CGGBP1: variants seen among roughly 807,000 people sequenced by gnomAD.
CGGBP1 encodes the protein CGG triplet repeat binding protein 1.
A neutral mutation model predicts 11.4 loss-of-function variants in CGGBP1; 4 were observed. That is an observed-to-expected ratio of 0.35 (90% CI 0.17 to 0.80). The LOEUF is 0.80. Among genes scored for constraint, CGGBP1 ranks in the 30% least tolerant of loss-of-function variants. The pLI, the probability that CGGBP1 is intolerant of heterozygous loss-of-function variation, is 0.52. For synonymous variants in CGGBP1, 76 were observed against 74.1 expected, an observed-to-expected ratio of 1.03 and a Z score of -0.13; for missense variants, 135 against 202.1, an observed-to-expected ratio of 0.67 and a Z score of 2.01.
chr3:88,104,016 C>T (rs1414888556), intron 2 of CGGBP1, among the ~76,000 whole-genome samples: 1 of 151,898 alleles, frequency 6.6e-6, no homozygotes, highest in African/African-American at 2.4e-5. Context: ...CCTGCCTCGG[C>T]CTCTGCTGGG....
At chr3:88,065,237 C>T (rs1707128249) in intron 2 of CGGBP1, among the ~76,000 whole-genome samples, 1 of 152,088 alleles carries the variant, frequency 6.6e-6, no homozygotes, top group Admixed American at 6.5e-5. Flanking sequence ...ACAAATGAAC[C>T]TTAGATGTTG....
At chr3:88,109,098 G>A (rs1257852107) in intron 2 of CGGBP1, among the ~76,000 whole-genome samples, 1 of 151,794 alleles carries the variant, frequency 6.6e-6, no homozygotes, top group Non-Finnish European at 1.5e-5. Context: ...TCCAGTGGGA[G>A]GGAAGGGGTC....
rs1177657694 is a variant in CGGBP1 at position 88,054,935 on chromosome 3, T to G, written c.*538A>C. ...AGATAGTTAAGGTGACTACATCATA[T>G]ACAAGTAAAACATAGTTTGAAATAA... On this transcript the variant is annotated 3_prime_UTR_variant, in exon 4 of 4. Coordinates refer to ENST00000482016, the MANE Select transcript of CGGBP1 (RefSeq NM_001008390.2). 6.6e-6 allele frequency: 1 copy of G among 152,612 alleles called. No homozygotes were observed. Among genetic ancestry groups the G allele is most frequent in the Non-Finnish European group, 1.5e-5 (1 of 68,048 alleles). The allele number at this position is 152,612 out of a possible 1,614,324, so 9.5% of individuals were successfully genotyped here.
intron 2 of CGGBP1, among the ~76,000 whole-genome samples, chr3:88,075,940 C>T (rs137872724): frequency 3.3e-5 from 5 of 152,302 alleles, no homozygotes; most frequent in African/African-American, 1.2e-4. Flanking sequence ...CCAAGACTGA[C>T]CTCTTAACTT....
chr3:88,051,958 A>T lies in CGGBP1; in HGVS notation c.*3515T>A, dbSNP rs1054373774. Reference sequence around the variant, plus strand: ...ACTCAGTAAGATTCTGCTGTTTTGTAATCAGGAAATATATTTGTCATTGAC... The same window carrying T: ...ACTCAGTAAGATTCTGCTGTTTTGTTATCAGGAAATATATTTGTCATTGAC... On this transcript the variant is annotated 3_prime_UTR_variant, in exon 4 of 4. Transcript: ENST00000482016. 1 of 152,378 alleles carries T rather than the reference A, an allele frequency of 6.6e-6. No individual in the cohort carries two copies. Among genetic ancestry groups the T allele is most frequent in the Non-Finnish European group, 1.5e-5 (1 of 68,026 alleles). 9.4% of individuals were successfully genotyped at this position (152,378 alleles called of 1,614,324 possible).
chr3:88,068,333 G>T (rs1707318715), intron 2 of CGGBP1, among the ~76,000 whole-genome samples: 2 of 152,202 alleles, frequency 1.3e-5, no homozygotes, highest in African/African-American at 4.8e-5. Context: ...TCATTTTCGG[G>T]CTCCACTTGT....
chr3:88,053,878 CT>C lies in CGGBP1; in HGVS notation c.*1594del, dbSNP rs1706483847. On this transcript the variant is annotated 3_prime_UTR_variant, in exon 4 of 4. Transcript: ENST00000482016. ...CATTTATCATACTACTTTAACATAA[CT>C]GAACATGAGGAAAACAGTTCACATT... The C allele has an allele frequency of 6.6e-6, 1 of 152,528 alleles. No individual in the cohort carries two copies. The highest frequency in any genetic ancestry group is 6.5e-5 in the Admixed American group (1 of 15,274). The allele number at this position is 152,528 out of a possible 1,614,324, so 9.4% of individuals were successfully genotyped here. A position where few individuals can be genotyped will look rare whatever the true frequency, so the allele number is the denominator to read the frequency against.
At chr3:88,113,858 A>G (rs944431771) in intron 2 of CGGBP1, among the ~76,000 whole-genome samples, 1 of 152,208 alleles carries the variant, frequency 6.6e-6, no homozygotes, top group African/African-American at 2.4e-5. Context: ...AAAGGCTTAT[A>G]GACAACCAGT....
At chr3:88,090,448 A>C (rs1304617901) in intron 2 of CGGBP1, among the ~76,000 whole-genome samples, 13 of 152,284 alleles carry the variant, frequency 8.5e-5, no homozygotes, top group Admixed American at 6.5e-4. Flanking sequence ...TATAAAGAGA[A>C]AATATTTTTA....
At chr3:88,135,786 T>A (rs1334960075) in intron 2 of CGGBP1, among the ~76,000 whole-genome samples, 2 of 152,136 alleles carry the variant, frequency 1.3e-5, no homozygotes, top group African/African-American at 4.8e-5. Flanking sequence ...CCTGCAGATC[T>A]TTTAGTTTTT....
chr3:88,144,824 A>G (rs1223919008), intron 1 of CGGBP1, among the ~76,000 whole-genome samples: 1 of 152,032 alleles, frequency 6.6e-6, no homozygotes, highest in East Asian at 1.9e-4. Context: ...AATATAGAAA[A>G]TAGAAGTATC....
chr3:88,055,781 T>C lies in CGGBP1; in HGVS notation c.196A>G (p.Thr66Ala), dbSNP rs1386733615. 5 of 1,614,174 alleles carry C rather than the reference T, an allele frequency of 3.1e-6. No homozygotes were observed. The Admixed American group carries it at 8.3e-5, about 27-fold the overall frequency. ...SAISDHLKSK[T>A]HTKRKAEFEE... is the part of the protein sequence containing the mutation. Reference sequence around the variant, plus strand: ...AATTCTGCCTTCCTCTTGGTATGAGTCTTTGACTTGAGGTGGTCACTAATG... The same window carrying C: ...AATTCTGCCTTCCTCTTGGTATGAGCCTTTGACTTGAGGTGGTCACTAATG... Residue 66 changes from threonine (T) to alanine (A), a missense_variant, in exon 4 of 4, where the codon ACT becomes GCT. By Grantham distance (58) the Thr-to-Ala change is moderately conservative (BLOSUM62 0). Transcript: ENST00000482016. This position sits in a 1 kb window ranked among gnomAD's most constrained non-coding sequence, Gnocchi z 4.2.
chr3:88,133,409 G>C (rs1199689744), intron 2 of CGGBP1, among the ~76,000 whole-genome samples: 1 of 151,812 alleles, frequency 6.6e-6, no homozygotes, highest in Non-Finnish European at 1.5e-5. Context: ...TGGGGAAATA[G>C]GTAGGATCGA....
At chr3:88,096,592 AAGTCCATCC>A (rs1477395745) in intron 2 of CGGBP1, among the ~76,000 whole-genome samples, 1 of 152,144 alleles carries the variant, frequency 6.6e-6, no homozygotes, top group East Asian at 1.9e-4. Flanking sequence ...TACTTTAAAG[AAGTCCATCC>A]AGTGTCTTCT....
At chr3:88,088,887 C>G (rs368182514) in intron 2 of CGGBP1, among the ~76,000 whole-genome samples, 1 of 151,778 alleles carries the variant, frequency 6.6e-6, no homozygotes, top group South Asian at 2.1e-4. Context: ...ATTCTCCTGC[C>G]TCAGCCTCCC....
intron 2 of CGGBP1, among the ~76,000 whole-genome samples, chr3:88,128,111 A>G (rs932714980): frequency 6.6e-6 from 1 of 152,152 alleles, no homozygotes; most frequent in Non-Finnish European, 1.5e-5. Flanking sequence ...TCTGAGACTC[A>G]GTTTTGCAAT....
chr3:88,103,739 G>T (rs939263289), intron 2 of CGGBP1, among the ~76,000 whole-genome samples: 21 of 150,036 alleles, frequency 1.4e-4, no homozygotes, highest in African/African-American at 2.2e-4. Flanking sequence ...ACTTTAAAGT[G>T]ATGAAAGAAA....
intron 2 of CGGBP1, among the ~76,000 whole-genome samples, chr3:88,136,476 A>T (rs901788524): frequency 1.3e-5 from 2 of 152,226 alleles, no homozygotes; most frequent in African/African-American, 2.4e-5. Context: ...TGAGTTCAGG[A>T]GACATAGATG....
intron 2 of CGGBP1, among the ~76,000 whole-genome samples, chr3:88,112,046 A>T (rs1705122555): frequency 6.6e-6 from 1 of 151,858 alleles, no homozygotes; most frequent in African/African-American, 2.4e-5. Context: ...ATCATCAAAG[A>T]ATATTTTTCA....
Sources: gnomAD v4.1 joint callset for allele counts (sites outside exome capture counted in the v4.1 genomes callset) on GRCh38, gnomAD v4.1.1 for gene constraint, Gnocchi (gnomAD v3.1) non-coding constraint, MANE v1.5 for transcripts, NCBI Gene and HGNC (gene_info 2026-07-23, HGNC 2026-07-21) for gene names.